Variants in ALK observed in about 807,000 individuals in gnomAD.
ALK encodes ALK receptor tyrosine kinase, also known as ALK tyrosine kinase receptor.
Under a neutral mutation model 163.1 loss-of-function variants are expected in ALK, and 74 were observed. That is an observed-to-expected ratio of 0.45 (90% CI 0.38 to 0.55). The LOEUF (loss-of-function observed/expected upper bound fraction) is 0.55. Ranked by LOEUF, ALK falls within the 20% of genes least tolerant of loss-of-function variation. The pLI is 0.00. For missense variants in ALK, 2,063 were observed against 2,105.3 expected (o/e 0.98, Z 0.39); for synonymous variants, 960 against 843.2 (o/e 1.14, Z -2.40).
At chr2:29,444,653 G>T (rs1454329478) in intron 4 of ALK, among the ~76,000 whole-genome samples, 1 of 152,102 alleles carries the variant, frequency 6.6e-6, no homozygotes, top group Non-Finnish European at 1.5e-5. Context: ...ATATATTAAT[G>T]CATACAAAGT....
chr2:29,504,923 A>T (rs930017607), intron 4 of ALK, among the ~76,000 whole-genome samples: 1 of 151,998 alleles, frequency 6.6e-6, no homozygotes, highest in Admixed American at 6.5e-5. Context: ...AGAGAGGGGG[A>T]GGCAAGGAGC....
chr2:29,634,671 A>G (rs1321862291), intron 3 of ALK, among the ~76,000 whole-genome samples: 1 of 152,230 alleles, frequency 6.6e-6, no homozygotes, highest in South Asian at 2.1e-4. Flanking sequence ...AACACTGTAT[A>G]TAATAGTAAA....
At chr2:29,580,676 A>G (rs1195514027) in intron 3 of ALK, among the ~76,000 whole-genome samples, 1 of 152,238 alleles carries the variant, frequency 6.6e-6, no homozygotes, top group Non-Finnish European at 1.5e-5. Context: ...TGTGATTTCT[A>G]AATTACGCTA....
chr2:29,332,044 T>C (rs1377518105), intron 5 of ALK, among the ~76,000 whole-genome samples: 1 of 151,770 alleles, frequency 6.6e-6, no homozygotes, highest in Non-Finnish European at 1.5e-5. Flanking sequence ...CCCAGGACTT[T>C]GGGAGGCTGA....
intron 3 of ALK, among the ~76,000 whole-genome samples, chr2:29,548,789 A>G (rs1558379231): frequency 1.3e-5 from 2 of 152,310 alleles, no homozygotes; most frequent in East Asian, 3.9e-4. Flanking sequence ...ATTTTCTTAT[A>G]TCTTATCTAA....
intron 5 of ALK, among the ~76,000 whole-genome samples, chr2:29,340,057 C>T (rs1667744270): frequency 6.6e-6 from 1 of 152,154 alleles, no homozygotes; most frequent in Non-Finnish European, 1.5e-5. Flanking sequence ...CAACATTTAT[C>T]TTCATTGCTT....
At chr2:29,755,204 C>G (rs528330820) in intron 1 of ALK, among the ~76,000 whole-genome samples, 12 of 152,324 alleles carry the variant, frequency 7.9e-5, no homozygotes, top group African/African-American at 2.4e-4. Flanking sequence ...GCCAGGGGAC[C>G]AGCCCTCTTT....
chr2:29,595,890 GA>G (rs939590161), intron 3 of ALK, among the ~76,000 whole-genome samples: 18 of 152,184 alleles, frequency 1.2e-4, no homozygotes, highest in African/African-American at 3.9e-4. Flanking sequence ...AAAAGCAGAA[GA>G]ACCCTGGACA....
chr2:29,861,186 G>C (rs1343537335), intron 1 of ALK, among the ~76,000 whole-genome samples: 2 of 152,086 alleles, frequency 1.3e-5, no homozygotes, highest in East Asian at 1.9e-4. Context: ...AGAAGGAGGA[G>C]GGTAAGGAGA....
chr2:29,822,610 C>A (rs1301033037), intron 1 of ALK, among the ~76,000 whole-genome samples: 1 of 152,202 alleles, frequency 6.6e-6, no homozygotes, highest in East Asian at 1.9e-4. Flanking sequence ...AGGCCCTTGG[C>A]CTCTCTGAGC....
intron 11 of ALK, among the ~76,000 whole-genome samples, chr2:29,273,060 C>G (rs998045525): frequency 1.3e-5 from 2 of 152,238 alleles, no homozygotes; most frequent in African/African-American, 4.8e-5. Flanking sequence ...TTTCCTTCCC[C>G]CTCTGGCCTA....
chr2:29,525,680 C>T (rs1327222261), intron 4 of ALK, among the ~76,000 whole-genome samples: 1 of 151,094 alleles, frequency 6.6e-6, no homozygotes, highest in African/African-American at 2.4e-5. Flanking sequence ...ATCCCAGCTA[C>T]TCAGGAGGCT....
intron 3 of ALK, among the ~76,000 whole-genome samples, chr2:29,669,028 A>G (rs886086263): frequency 7.9e-5 from 12 of 152,138 alleles, no homozygotes; most frequent in Admixed American, 2.0e-4. Flanking sequence ...GGGAGCTACA[A>G]TTCAAGATGA....
At chr2:29,237,251 A>G (rs78777316) in intron 13 of ALK, among the ~76,000 whole-genome samples, 4,070 of 152,256 alleles carry the variant, frequency 0.027, 195 homozygotes, top group African/African-American at 0.093. Context: ...CCTTGAATTC[A>G]TTGTCTTGAC....
chr2:29,630,476 T>C (rs1428209351), intron 3 of ALK, among the ~76,000 whole-genome samples: 1 of 151,976 alleles, frequency 6.6e-6, no homozygotes, highest in Non-Finnish European at 1.5e-5. Flanking sequence ...ACATCCAAAC[T>C]ACCATAAATG....
chr2:29,731,934 C>T (rs529009212), intron 1 of ALK, among the ~76,000 whole-genome samples: 3 of 152,296 alleles, frequency 2.0e-5, no homozygotes, highest in South Asian at 2.1e-4. Flanking sequence ...GGTCAATTCC[C>T]TATTAATTTC....
chr2:29,701,992 C>T (rs535528668), intron 2 of ALK, among the ~76,000 whole-genome samples: 1 of 152,100 alleles, frequency 6.6e-6, no homozygotes, highest in East Asian at 1.9e-4. Flanking sequence ...TGTAGAGCCA[C>T]AGACATGGAC....
chr2:29,788,531 G>A (rs576238073), intron 1 of ALK, among the ~76,000 whole-genome samples: 17 of 152,182 alleles, frequency 1.1e-4, no homozygotes, highest in Admixed American at 6.5e-4. Context: ...ATGAGAAAGC[G>A]AAAGGGAGGG....
intron 24 of ALK, among the ~76,000 whole-genome samples, chr2:29,212,871 A>T (rs1023219784): frequency 6.6e-6 from 1 of 151,860 alleles, no homozygotes; most frequent in Admixed American, 6.6e-5. Flanking sequence ...ATGCCTGGCT[A>T]ATTTTGTATT....
Sources: allele counts gnomAD v4.1 joint callset (sites outside exome capture counted in the v4.1 genomes callset), GRCh38; gene constraint gnomAD v4.1.1; transcripts MANE v1.5; gene names NCBI Gene and HGNC (gene_info 2026-07-23, HGNC 2026-07-21).